Variants in ATOH8 observed in about 807,000 individuals in gnomAD.
The protein encoded by ATOH8 is atonal bHLH transcription factor 8, also known as transcription factor ATOH8.
Under a neutral mutation model 21.2 loss-of-function variants are expected in ATOH8, and 9 were observed. The observed-to-expected ratio is 0.42, with a 90% CI of 0.26 to 0.74. The LOEUF (loss-of-function observed/expected upper bound fraction) is 0.74. Ranked by LOEUF, ATOH8 falls within the 30% of genes least tolerant of loss-of-function variation. ATOH8 has a pLI of 0.24. For synonymous variants in ATOH8, 253 were observed against 224.0 expected, an observed-to-expected ratio of 1.13 and a Z score of -1.16; for missense variants, 524 against 470.9, an observed-to-expected ratio of 1.11 and a Z score of -1.04.
rs527949465 is a variant in ATOH8 at position 85,773,101 on chromosome 2, C to G, written c.960+8919C>G. ...ATTCCGCCGTCACCCTGAATAAACC[C>G]CATGCACACAGACGAGAACAATGTC... On this transcript the variant is annotated intron_variant, in intron 2 of 2. Coordinates refer to ENST00000306279, the MANE Select transcript of ATOH8 (RefSeq NM_032827.7). 8.3e-5 allele frequency: 29 copies of G among 350,058 alleles called. No individual in the cohort carries two copies. In the East Asian group the frequency reaches 2.2e-3, roughly 27 times the overall value. 21.7% of individuals were successfully genotyped at this position (350,058 alleles called of 1,614,324 possible).
chr2:85,782,335 T>A (rs1413250927), intron 2 of ATOH8, among the ~76,000 whole-genome samples: 1 of 152,212 alleles, frequency 6.6e-6, no homozygotes, highest in Non-Finnish European at 1.5e-5. Flanking sequence ...CATCATAGAC[T>A]GACAATAAAT....
At position 85,754,160 on chromosome 2, in the gene ATOH8, C is replaced by G; in HGVS notation, c.-30C>G. ...AGCGCGGCGGCGGCCCGGGCAGCCC[C>G]ACGCCCCTGCCTCGCGCGCCGCCCG... On this transcript the variant is annotated 5_prime_UTR_variant, in exon 1 of 3. Coordinates refer to ENST00000306279, the MANE Select transcript of ATOH8 (RefSeq NM_032827.7). The G allele has an allele frequency of 6.7e-7, 1 of 1,491,564 alleles. No individual in the cohort carries two copies. The highest frequency in any genetic ancestry group is 8.9e-7 in the Non-Finnish European group (1 of 1,127,028). 92.4% of individuals were successfully genotyped at this position (1,491,564 alleles called of 1,614,324 possible).
intron 1 of ATOH8, among the ~76,000 whole-genome samples, chr2:85,762,380 A>G (rs1467591222): frequency 1.3e-5 from 2 of 152,234 alleles, no homozygotes; most frequent in Non-Finnish European, 2.9e-5. Flanking sequence ...AGTTCAAAAT[A>G]TTCTAGAGTG....
chr2:85,783,412 C>G lies in ATOH8; in HGVS notation c.961-3473C>G, dbSNP rs369304944. ...TGAAACCCCGTCTCTACTAAAAATA[C>G]AAAAAATTAGCCGGGTGTGGTGGCG... is the stretch of plus-strand genomic sequence containing the variant. On this transcript the variant is annotated intron_variant, in intron 2 of 2. Transcript: ENST00000306279. Among the ~76,000 whole-genome samples the G allele has an allele frequency of 2.4e-4, 37 of 152,066 alleles. 1 individual carries two copies. The East Asian group carries it at 5.6e-3, about 23-fold the overall frequency.
intron 1 of ATOH8, among the ~76,000 whole-genome samples, chr2:85,755,272 C>T (rs1271906619): frequency 1.3e-5 from 2 of 152,238 alleles, no homozygotes; most frequent in African/African-American, 4.8e-5. Flanking sequence ...CCGGAGTCCC[C>T]TGGGCGCGGT....
rs1353899525 is a variant in ATOH8 at position 85,766,703 on chromosome 2, G to A, written c.960+2521G>A. On this transcript the variant is annotated intron_variant, in intron 2 of 2. Coordinates refer to ENST00000306279, the MANE Select transcript of ATOH8 (RefSeq NM_032827.7). The surrounding 1 kb of genome is among the most constrained non-coding windows in gnomAD (Gnocchi z 4.0). The stretch of plus-strand genomic sequence containing the variant: ...TTTCCAGCTCAGGACCCCTGGAGTC[G>A]CTGGAGCCTTCGAGCTCCCAGGCAG... Among the ~76,000 whole-genome samples, 1 of 152,194 alleles carries A rather than the reference G, an allele frequency of 6.6e-6. No individual in the cohort carries two copies. Among genetic ancestry groups the A allele is most frequent in the African/African-American group, 2.4e-5 (1 of 41,448 alleles).
Position 85,791,042 on chromosome 2 carries a change from G to A in ATOH8, c.*4152G>A, listed in dbSNP as rs750958150. Among the ~76,000 whole-genome samples, 6 of 152,208 alleles carry A rather than the reference G, an allele frequency of 3.9e-5. No individual in the cohort carries two copies. The highest frequency in any genetic ancestry group is 8.8e-5 in the Non-Finnish European group (6 of 68,042). The stretch of plus-strand genomic sequence containing the variant: ...GCTTTCTGTTTCCTGGTTCCAGGAA[G>A]ACAGCGGGGCACAGGGTCCCTGCTT... On this transcript the variant is annotated 3_prime_UTR_variant, in exon 3 of 3. Coordinates refer to ENST00000306279, the MANE Select transcript of ATOH8 (RefSeq NM_032827.7).
rs781087343 is a variant in ATOH8, at chr2:85,754,248, T to A, written c.59T>A (p.Leu20Gln). 1 of 1,609,124 alleles carries A rather than the reference T, an allele frequency of 6.2e-7. No individual in the cohort carries two copies. The highest frequency in any genetic ancestry group is 2.2e-5 in the East Asian group (1 of 44,468). ...GPWKTVCVKE[L>Q]NGLKKLKRKG... The stretch of plus-strand genomic sequence containing the variant: ...TGGAAGACCGTGTGCGTGAAGGAGC[T>A]GAACGGCCTTAAGAAGCTCAAGCGG... Residue 20 changes from leucine to glutamine, a missense_variant, in exon 1 of 3, where the codon CTG becomes CAG. By Grantham distance (113) the Leu-to-Gln change is moderately radical (BLOSUM62 -2). Coordinates refer to ENST00000306279, the MANE Select transcript of ATOH8 (RefSeq NM_032827.7).
At position 85,754,049 on chromosome 2, in the gene ATOH8, C is replaced by G. The variant is rs1291862088; in HGVS notation, c.-141C>G. The G allele has an allele frequency of 9.2e-7, 1 of 1,086,342 alleles. No individual in the cohort carries two copies. The highest frequency in any genetic ancestry group is 1.8e-5 in the African/African-American group (1 of 55,814). The allele number at this position is 1,086,342 out of a possible 1,614,324, so 67.3% of individuals were successfully genotyped here. A position where few individuals can be genotyped will look rare whatever the true frequency, so the allele number is the denominator to read the frequency against. On this transcript the variant is annotated 5_prime_UTR_variant, in exon 1 of 3. Transcript: ENST00000306279. Reference sequence around the variant, plus strand: ...CCCGGCGGCTTCCCGAAGCCGGCGGCGCAGCTGCCCGGGGCGAGGGGGAGA... The same window carrying G: ...CCCGGCGGCTTCCCGAAGCCGGCGGGGCAGCTGCCCGGGGCGAGGGGGAGA...
At chr2:85,769,121 C>T (rs1408729022) in intron 2 of ATOH8, among the ~76,000 whole-genome samples, 4 of 152,170 alleles carry the variant, frequency 2.6e-5, no homozygotes, top group East Asian at 3.8e-4. Context: ...GGTGGGCCAC[C>T]CCCAGATCTA....
rs1180118837 is a variant in ATOH8, at chr2:85,787,697, C to G, written c.*807C>G. 6.5e-6 allele frequency: 1 copy of G among 153,160 alleles called. No homozygotes were observed. Among genetic ancestry groups the G allele is most frequent in the East Asian group, 1.9e-4 (1 of 5,200 alleles). 9.5% of individuals were successfully genotyped at this position (153,160 alleles called of 1,614,324 possible). A position where few individuals can be genotyped will look rare whatever the true frequency, so the allele number is the denominator to read the frequency against. On this transcript the variant is annotated 3_prime_UTR_variant, in exon 3 of 3. Coordinates refer to ENST00000306279, the MANE Select transcript of ATOH8 (RefSeq NM_032827.7). ...TTTGCTTCCCCAGCCAGCCTCTCCT[C>G]ACTGTGACCCACCCCCATGGGCCCC...
At chr2:85,769,235 T>C (rs1341689859) in intron 2 of ATOH8, among the ~76,000 whole-genome samples, 1 of 152,204 alleles carries the variant, frequency 6.6e-6, no homozygotes, top group African/African-American at 2.4e-5. Flanking sequence ...CTACTCAAAT[T>C]GATAGCATGT....
intron 2 of ATOH8, chr2:85,783,522 C>G (rs554822883): frequency 1.3e-5 from 2 of 152,598 alleles, no homozygotes; most frequent in East Asian, 1.9e-4. Context: ...GAGCCGAGAT[C>G]GTGCCATTGC....
chr2:85,754,163 G>C lies in ATOH8; in HGVS notation c.-27G>C. Reference sequence around the variant, plus strand: ...GCGGCGGCGGCCCGGGCAGCCCCACGCCCCTGCCTCGCGCGCCGCCCGCGC... The same window carrying C: ...GCGGCGGCGGCCCGGGCAGCCCCACCCCCCTGCCTCGCGCGCCGCCCGCGC... On this transcript the variant is annotated 5_prime_UTR_variant, in exon 1 of 3. Transcript: ENST00000306279. 1 of 1,497,450 alleles carries C rather than the reference G, an allele frequency of 6.7e-7. No individual in the cohort carries two copies. Among genetic ancestry groups the C allele is most frequent in the Non-Finnish European group, 8.8e-7 (1 of 1,130,448 alleles). 92.8% of individuals were successfully genotyped at this position (1,497,450 alleles called of 1,614,324 possible). A position where few individuals can be genotyped will look rare whatever the true frequency, so the allele number is the denominator to read the frequency against.
rs1308153747 is a variant in ATOH8, at chr2:85,788,218, AGGGGGTGGAG to A, written c.*1331_*1340del. 6.6e-6 allele frequency among the ~76,000 whole-genome samples: 1 copy of A among 151,726 alleles called. No individual in the cohort carries two copies. Among genetic ancestry groups the A allele is most frequent in the Non-Finnish European group, 1.5e-5 (1 of 67,908 alleles). ...GAGAGTGTGTGTGTCTGTGTGTGGA[AGGGGGTGGAG>A]GGCGGTTCCCACAGTAGTCTCAGCC... On this transcript the variant is annotated 3_prime_UTR_variant, in exon 3 of 3. Transcript: ENST00000306279.
Position 85,754,479 on chromosome 2 carries a change from G to C in ATOH8, c.290G>C (p.Gly97Ala). 2.1e-6 allele frequency: 3 copies of C among 1,448,478 alleles called. No individual in the cohort carries two copies. The highest frequency in any genetic ancestry group is 2.7e-6 in the Non-Finnish European group (3 of 1,110,202). 89.7% of individuals were successfully genotyped at this position (1,448,478 alleles called of 1,614,324 possible). Residue 97 changes from glycine to alanine, a missense_variant, in exon 1 of 3, where the codon GGG becomes GCG. Coordinates refer to ENST00000306279, the MANE Select transcript of ATOH8 (RefSeq NM_032827.7). ...GGCACGGACACAGCCGGGGAGCGCG[G>C]GGGCTCTCGGGCGCCCGAGGTCTCC... Reference protein sequence around the residue: ...RGGTDTAGERGGSRAPEVSDA... With the variant: ...RGGTDTAGERAGSRAPEVSDA...
chr2:85,757,662 C>T (rs1422680824), intron 1 of ATOH8, among the ~76,000 whole-genome samples: 4 of 152,178 alleles, frequency 2.6e-5, no homozygotes, highest in Non-Finnish European at 5.9e-5. Context: ...AAGTCACTGA[C>T]CCTTTCTGGG....
At chr2:85,757,974 T>TG (rs1344415860) in intron 1 of ATOH8, among the ~76,000 whole-genome samples, 2 of 151,826 alleles carry the variant, frequency 1.3e-5, no homozygotes, top group South Asian at 2.1e-4. Flanking sequence ...TTAGTAGGGA[T>TG]GGGGGTTTCA....
In ATOH8 at chr2:85,754,429, G is replaced by A. The variant is rs1400850282; in HGVS notation, c.240G>A (p.Val80=). 6.5e-7 allele frequency: 1 copy of A among 1,530,722 alleles called. No individual in the cohort carries two copies. Among genetic ancestry groups the A allele is most frequent in the Non-Finnish European group, 8.7e-7 (1 of 1,144,754 alleles). The allele number at this position is 1,530,722 out of a possible 1,614,324, so 94.8% of individuals were successfully genotyped here. ...VPVPVPVPVP[V]APAVPPRGGT... ...TACCGGTGCCGGTGCCAGTCCCAGT[G>A]GCGCCGGCCGTTCCCCCAAGAGGGG... is the stretch of plus-strand genomic sequence containing the variant. Residue 80 remains valine, a synonymous_variant, in exon 1 of 3, where the codon GTG becomes GTA. Coordinates refer to ENST00000306279, the MANE Select transcript of ATOH8 (RefSeq NM_032827.7).
Sources: allele counts gnomAD v4.1 joint callset (sites outside exome capture counted in the v4.1 genomes callset), GRCh38; gene constraint gnomAD v4.1.1; non-coding constraint Gnocchi (gnomAD v3.1); transcripts MANE v1.5; gene names NCBI Gene and HGNC (gene_info 2026-07-23, HGNC 2026-07-21).